The following PATL2 variants were observed in gnomAD, a reference collection of about 807,000 sequenced individuals.
PATL2 encodes the protein PAT1 homolog 2.
PATL2 carries 73 observed loss-of-function variants against 77.0 expected under a neutral mutation model. That is an observed-to-expected ratio of 0.95 (90% confidence interval 0.78 to 1.15). PATL2 has a LOEUF of 1.15. PATL2 is among the 50% of genes most tolerant of loss of function. The probability of loss-of-function intolerance (pLI) is 0.00; values close to 1 mark genes in which losing one functional copy is unlikely to be tolerated. For missense variants in PATL2, 618 were observed against 655.4 expected (o/e 0.94, Z 0.62); for synonymous variants, 265 against 257.1 (o/e 1.03, Z -0.29).
rs775851843 is a variant in PATL2, at chr15:44,669,870, G to A, written c.783C>T (p.Val261=). ...CCTGGCCCAGGGAACCCTCGATTCG[G>A]ACCACTGCATGAGAAGAGAGGCACA... ...IPKAEAYESV[V]RIEGSLGQVA... The change falls in exon 11 of 18, where the codon GTC becomes GTT. Residue 261 remains valine, a synonymous_variant. Transcript: ENST00000682850. The A allele has an allele frequency of 1.2e-5, 18 of 1,551,404 alleles. No individual in the cohort carries two copies. In the African/African-American group the frequency reaches 1.5e-4, roughly 13 times the overall value.
intron 12 of PATL2, 28 bp downstream of exon 12, chr15:44,669,482 A>C: frequency 1.3e-6 from 2 of 1,550,062 alleles, no homozygotes; most frequent in Non-Finnish European, 1.7e-6. Context: ...TAGGTTTGGA[A>C]CTCGTCCCTA....
intron 15 of PATL2, 107 bp from the exon 16 acceptor site, chr15:44,667,310 A>G: frequency 2.5e-6 from 2 of 804,792 alleles, no homozygotes; most frequent in African/African-American, 3.4e-5. Context: ...ACATTTAGAG[A>G]TAGAGCTCAA....
At chr15:44,676,122 T>C (rs1341148506) in intron 4 of PATL2, 2 of 370,316 alleles carry the variant, frequency 5.4e-6, no homozygotes, top group East Asian at 1.2e-4. Context: ...CACAGCCTTT[T>C]CCATCTGCTC....
Position 44,669,950 on chromosome 15 carries a change from G to A in PATL2, c.778+17C>T. The A allele has an allele frequency of 6.5e-7, 1 of 1,549,600 alleles. No homozygotes were observed. The highest frequency in any genetic ancestry group is 8.7e-7 in the Non-Finnish European group (1 of 1,145,766). ...CCAGATGCCCAGCCCAAGTCAGCAG[G>A]TCAGCCCTGACCCTACCGGACTCAT... is the stretch of plus-strand genomic sequence containing the variant. On this transcript the variant is annotated intron_variant, in intron 10 of 17. Coordinates refer to ENST00000682850, the MANE Select transcript of PATL2 (RefSeq NM_001387263.1).
intron 15 of PATL2, 90 bp from the exon 16 acceptor site, chr15:44,667,293 C>T (rs2085424711): frequency 1.1e-6 from 1 of 945,278 alleles, no homozygotes; most frequent in African/African-American, 1.6e-5. Flanking sequence ...AACTAAAGGA[C>T]AGGTTCACAT....
chr15:44,672,180 T>TGGC, intron 8 of PATL2, 24 bp from the exon 9 acceptor site: 1 of 1,551,646 alleles, frequency 6.4e-7, no homozygotes, highest in South Asian at 1.2e-5. Context: ...GGAACAACCC[T>TGGC]TTAGACTTAC....
intron 3 of PATL2, among the ~76,000 whole-genome samples, chr15:44,689,027 C>A (rs1436148816): frequency 6.6e-6 from 1 of 152,128 alleles, no homozygotes; most frequent in Admixed American, 6.5e-5. Context: ...AAAAAGCAAA[C>A]AACCCCATCA....
rs758350818 is a variant in PATL2, at chr15:44,669,326, C to T, written c.1018G>A (p.Glu340Lys). The change falls in exon 13 of 18, where the codon GAG (glutamate) becomes AAG (lysine). Residue 340 changes from glutamate to lysine, a missense_variant. By Grantham distance (56) the Glu-to-Lys change is moderately conservative. Coordinates refer to ENST00000682850, the MANE Select transcript of PATL2 (RefSeq NM_001387263.1). ...GTCTTTAAGGTCTGGAAGAGCTTCT[C>T]AACCTGGTTGCTTTGCTGCTCAGAA... ...CFSEQQSNQV[E>K]KLFQTLKTQE... 172 of 1,551,550 alleles carry T rather than the reference C, an allele frequency of 1.1e-4. No homozygotes were observed. The highest frequency in any genetic ancestry group is 4.1e-4 in the Admixed American group (21 of 50,974).
chr15:44,707,181 A>G (rs2086757544), intron 3 of PATL2, among the ~76,000 whole-genome samples: 1 of 152,114 alleles, frequency 6.6e-6, no homozygotes, highest in African/African-American at 2.4e-5. Flanking sequence ...GAGCAGGTCC[A>G]GGAATGCTAT....
At chr15:44,670,797 T>A (rs1272056962) in intron 9 of PATL2, among the ~76,000 whole-genome samples, 1 of 152,214 alleles carries the variant, frequency 6.6e-6, no homozygotes, top group African/African-American at 2.4e-5. Flanking sequence ...CATTTAATCT[T>A]GTGATCTCAC....
At chr15:44,668,247 A>G (rs1437691923) in intron 15 of PATL2, 95 bp downstream of exon 15, 6 of 1,373,996 alleles carry the variant, frequency 4.4e-6, no homozygotes, top group African/African-American at 1.5e-5. Context: ...AGAGGATAAG[A>G]TTTGTGTAGA....
At chr15:44,667,472 A>G (rs1168432319) in intron 15 of PATL2, among the ~76,000 whole-genome samples, 1 of 152,202 alleles carries the variant, frequency 6.6e-6, no homozygotes, top group Non-Finnish European at 1.5e-5. Context: ...GGAGTAGGAG[A>G]TCGGGAATGC....
At chr15:44,697,375 A>G (rs1380759821) in intron 3 of PATL2, 2 of 152,438 alleles carry the variant, frequency 1.3e-5, no homozygotes, top group East Asian at 3.9e-4. Flanking sequence ...AGAAGGAACA[A>G]AGAAATCTGT....
At chr15:44,701,367 G>A (rs2086626086) in intron 3 of PATL2, among the ~76,000 whole-genome samples, 1 of 151,802 alleles carries the variant, frequency 6.6e-6, no homozygotes, top group Non-Finnish European at 1.5e-5. Context: ...GTTTGAGTAG[G>A]GTTGGTGTTT....
intron 15 of PATL2, among the ~76,000 whole-genome samples, chr15:44,667,684 T>C (rs2141164049): frequency 6.6e-6 from 1 of 152,368 alleles, no homozygotes; most frequent in Admixed American, 6.5e-5. Context: ...GGCTCATGCC[T>C]GTAATTCCAG....
chr15:44,700,622 T>C (rs1210127145), intron 3 of PATL2, among the ~76,000 whole-genome samples: 2 of 152,062 alleles, frequency 1.3e-5, no homozygotes, highest in African/African-American at 4.8e-5. Context: ...CTTTGTATCC[T>C]CCAACTTTAC....
intron 3 of PATL2, among the ~76,000 whole-genome samples, chr15:44,706,414 G>C (rs2086737283): frequency 6.6e-6 from 1 of 152,160 alleles, no homozygotes; most frequent in East Asian, 1.9e-4. Flanking sequence ...TTCACAGTCT[G>C]TTGTATCTTT....
chr15:44,675,425 A>G, intron 5 of PATL2, 61 bp downstream of exon 5: 1 of 1,479,848 alleles, frequency 6.8e-7, no homozygotes. Flanking sequence ...ATGTTTAGTG[A>G]CAGCCTGTGA....
intron 3 of PATL2, among the ~76,000 whole-genome samples, chr15:44,701,657 C>T (rs2141264609): frequency 6.7e-6 from 1 of 148,412 alleles, no homozygotes; most frequent in East Asian, 2.0e-4. Context: ...GATTATTGCA[C>T]CACTGCCCTC....
Sources: allele counts gnomAD v4.1 joint callset (sites outside exome capture counted in the v4.1 genomes callset), GRCh38; gene constraint gnomAD v4.1.1; transcripts MANE v1.5; gene names NCBI Gene and HGNC (gene_info 2026-07-23, HGNC 2026-07-21).